AGBL1: variants seen among roughly 807,000 people sequenced by gnomAD.
AGBL1 encodes cytosolic carboxypeptidase 4.
AGBL1 carries 130 observed loss-of-function variants against 118.9 expected under a neutral mutation model. The ratio of observed to expected loss-of-function variants is 1.09; its 90% CI spans 0.95 to 1.26. The LOEUF is 1.26. AGBL1 is among the 50% of genes most tolerant of loss of function. The pLI, the probability that AGBL1 is intolerant of heterozygous loss-of-function variation, is 0.00. For missense variants in AGBL1, 1,584 were observed against 1,298.1 expected (o/e 1.22, Z -3.38); for synonymous variants, 555 against 478.9 (o/e 1.16, Z -2.08).
At chr15:86,283,375 T>C (rs1213432892) in intron 16 of AGBL1, among the ~76,000 whole-genome samples, 4 of 151,968 alleles carry the variant, frequency 2.6e-5, no homozygotes, top group Non-Finnish European at 1.5e-5. Context: ...AGTCCATGTA[T>C]TGGGGGAGCT....
chr15:86,461,635 T>C (rs962571072), intron 18 of AGBL1, among the ~76,000 whole-genome samples: 2 of 152,204 alleles, frequency 1.3e-5, no homozygotes, highest in Non-Finnish European at 2.9e-5. Flanking sequence ...TTTCAAACTA[T>C]TATTTACATT....
chr15:86,565,555 C>G (rs966317265), intron 21 of AGBL1, among the ~76,000 whole-genome samples: 4 of 152,228 alleles, frequency 2.6e-5, no homozygotes, highest in African/African-American at 7.2e-5. Flanking sequence ...GGGGGTGCCT[C>G]CCAGTTAGGC....
At chr15:86,095,515 A>G (rs1040484581) in intron 1 of AGBL1, among the ~76,000 whole-genome samples, 11 of 152,292 alleles carry the variant, frequency 7.2e-5, no homozygotes, top group African/African-American at 2.6e-4. Context: ...ACCAGGGACT[A>G]AGACCAAATA....
chr15:86,708,612 A>G lies in AGBL1; in HGVS notation c.3158+34176A>G, dbSNP rs181848757. Among the ~76,000 whole-genome samples the G allele has an allele frequency of 4.2e-3, 643 of 152,306 alleles. 9 individuals are homozygous for G. The highest frequency in any genetic ancestry group is 7.3e-3 in the Non-Finnish European group (496 of 68,014). The stretch of plus-strand genomic sequence containing the variant: ...TATGTATATATTATGCCAGATTTCA[A>G]AAAATCTTTGCAAAAGCCCTGTGTT... On this transcript the variant is annotated intron_variant, in intron 22 of 22. Coordinates refer to ENST00000614907, the MANE Select transcript of AGBL1 (RefSeq NM_001386094.1).
intron 22 of AGBL1, among the ~76,000 whole-genome samples, chr15:86,798,494 C>G (rs972210461): frequency 1.8e-4 from 27 of 152,054 alleles, no homozygotes; most frequent in African/African-American, 6.0e-4. Flanking sequence ...TGAGAAGACT[C>G]TGCTTTCCTT....
In AGBL1 at chr15:86,277,261, G is replaced by A. The variant is rs146489050; in HGVS notation, c.2076-2378G>A. Among the ~76,000 whole-genome samples, 382 of 151,452 alleles carry A rather than the reference G, an allele frequency of 2.5e-3. 1 individual carries two copies. Among genetic ancestry groups the A allele is most frequent in the Middle Eastern group, 3.4e-3 (1 of 294 alleles). On this transcript the variant is annotated intron_variant, in intron 15 of 22. Coordinates refer to ENST00000614907, the MANE Select transcript of AGBL1 (RefSeq NM_001386094.1). Reference sequence around the variant, plus strand: ...AGAATCTAATATCACCAAGCTATGGGGGGTAGCATGTTAGGAGAGAGAGAG... The same window carrying A: ...AGAATCTAATATCACCAAGCTATGGAGGGTAGCATGTTAGGAGAGAGAGAG...
intron 21 of AGBL1, among the ~76,000 whole-genome samples, chr15:86,634,642 G>T (rs1046657046): frequency 1.3e-5 from 2 of 152,206 alleles, no homozygotes; most frequent in South Asian, 4.2e-4. Flanking sequence ...GGTGAGGCCT[G>T]TACAACTCTG....
At chr15:86,938,532 T>C (rs940020598) in intron 23 of AGBL1, among the ~76,000 whole-genome samples, 3 of 152,166 alleles carry the variant, frequency 2.0e-5, no homozygotes, top group African/African-American at 7.2e-5. Flanking sequence ...CCAACTAATA[T>C]GGAAGAATGG....
intron 17 of AGBL1, among the ~76,000 whole-genome samples, chr15:86,389,249 A>G (rs1482528834): frequency 1.3e-5 from 2 of 152,204 alleles, no homozygotes; most frequent in Admixed American, 1.3e-4. Context: ...AAGAACACAT[A>G]CAACAGAAAA....
At chr15:86,248,702 C>T (rs1482992147) in intron 7 of AGBL1, among the ~76,000 whole-genome samples, 5 of 152,136 alleles carry the variant, frequency 3.3e-5, no homozygotes, top group Non-Finnish European at 7.4e-5. Flanking sequence ...ATATGACAAA[C>T]GAGGCCCTTG....
At chr15:86,364,837 T>G (rs1364956053) in intron 17 of AGBL1, among the ~76,000 whole-genome samples, 1 of 151,488 alleles carries the variant, frequency 6.6e-6, no homozygotes, top group East Asian at 1.9e-4. Context: ...TAGTAGCACT[T>G]TAACTAAATA....
chr15:86,262,965 AC>A (rs2079016997), intron 10 of AGBL1, 71 bp downstream of exon 10: 1 of 1,111,144 alleles, frequency 9.0e-7, no homozygotes, highest in Non-Finnish European at 1.3e-6. Flanking sequence ...GGGAGGCCAA[AC>A]CAGGGTGTCC....
intron 18 of AGBL1, among the ~76,000 whole-genome samples, chr15:86,504,728 T>C (rs1177835129): frequency 1.3e-5 from 2 of 151,652 alleles, no homozygotes; most frequent in Non-Finnish European, 3.0e-5. Context: ...ATAAAATACG[T>C]CTTCATATAT....
At chr15:86,620,006 G>A (rs1420954330) in intron 21 of AGBL1, among the ~76,000 whole-genome samples, 1 of 152,146 alleles carries the variant, frequency 6.6e-6, no homozygotes, top group African/African-American at 2.4e-5. Context: ...ACTCACTAGT[G>A]TTAGCCACAT....
At chr15:86,556,399 G>C in intron 21 of AGBL1, 1 of 872,078 alleles carries the variant, frequency 1.1e-6, no homozygotes, top group Non-Finnish European at 1.8e-6. Context: ...TGCCAGACCT[G>C]GTTTTGGTTT....
At chr15:86,134,924 T>C (rs1456095062) in intron 1 of AGBL1, among the ~76,000 whole-genome samples, 1 of 116,634 alleles carries the variant, frequency 8.6e-6, no homozygotes, top group Non-Finnish European at 1.8e-5. Context: ...TGGTGCCTAT[T>C]TTTTTTTTTA....
chr15:86,619,287 A>G (rs2084772939), intron 21 of AGBL1, among the ~76,000 whole-genome samples: 1 of 152,188 alleles, frequency 6.6e-6, no homozygotes, highest in Admixed American at 6.5e-5. Context: ...TGACCCATCT[A>G]CACTTGGTGT....
chr15:86,784,696 C>T lies in AGBL1; in HGVS notation c.3158+110260C>T, dbSNP rs75865098. On this transcript the variant is annotated intron_variant, in intron 22 of 22. Coordinates refer to ENST00000614907, the MANE Select transcript of AGBL1 (RefSeq NM_001386094.1). Reference sequence around the variant, plus strand: ...CACAGTTCAGAGGTAACTGTGGCTTCTACTGCGTTATAAATTATCCATAGA... The same window carrying T: ...CACAGTTCAGAGGTAACTGTGGCTTTTACTGCGTTATAAATTATCCATAGA... Among the ~76,000 whole-genome samples the T allele has an allele frequency of 5.3e-3, 801 of 152,258 alleles. 42 individuals are homozygous for T. The East Asian group carries it at 0.13, about 25-fold the overall frequency.
rs141566762 is a variant in AGBL1, at chr15:87,025,728, G to A, written c.3324-3097G>A. On this transcript the variant is annotated intron_variant, in intron 24 of 24. Coordinates refer to the AGBL1 transcript ENST00000441037. Reference sequence around the variant, plus strand: ...AAGACTAAGCAAAAAGAACAAACCTGGAGGCATCCCACTACCTGATTTCAA... The same window carrying A: ...AAGACTAAGCAAAAAGAACAAACCTAGAGGCATCCCACTACCTGATTTCAA... Among the ~76,000 whole-genome samples the A allele has an allele frequency of 1.1e-3, 168 of 151,988 alleles. 5 individuals carry two copies. The highest frequency in any genetic ancestry group is 3.6e-3 in the African/African-American group (151 of 41,500).
Sources: gnomAD v4.1 joint callset for allele counts (sites outside exome capture counted in the v4.1 genomes callset) on GRCh38, gnomAD v4.1.1 for gene constraint, MANE v1.5 for transcripts, NCBI Gene and HGNC (gene_info 2026-07-23, HGNC 2026-07-21) for gene names.